MYO5A: variants seen among roughly 807,000 people sequenced by gnomAD.
MYO5A encodes the protein myosin VA, also known as unconventional myosin-Va.
In MYO5A, 98 loss-of-function variants were observed where a neutral mutation model predicts 249.7. That is an observed-to-expected ratio of 0.39 (90% CI 0.33 to 0.46). MYO5A has a LOEUF of 0.46. Among genes scored for constraint, MYO5A ranks in the 20% least tolerant of loss-of-function variants. The pLI, the probability that MYO5A is intolerant of heterozygous loss-of-function variation, is 0.98. For missense variants in MYO5A, 1,696 were observed against 2,308.8 expected (o/e 0.73, Z 5.44); for synonymous variants, 778 against 810.6 (o/e 0.96, Z 0.68).
intron 2 of MYO5A, among the ~76,000 whole-genome samples, chr15:52,432,798 C>G (rs1433142194): frequency 6.6e-6 from 1 of 152,162 alleles, no homozygotes; most frequent in African/African-American, 2.4e-5. Flanking sequence ...CAGTTTTGCT[C>G]TCCATGCTGC....
intron 37 of MYO5A, among the ~76,000 whole-genome samples, chr15:52,323,067 G>C (rs2038408962): frequency 6.6e-6 from 1 of 152,128 alleles, no homozygotes; most frequent in Non-Finnish European, 1.5e-5. Context: ...ATTAGCTCTT[G>C]AAATGCCCAC....
At chr15:52,481,260 A>T (rs2141492498) in intron 1 of MYO5A, among the ~76,000 whole-genome samples, 1 of 152,340 alleles carries the variant, frequency 6.6e-6, no homozygotes, top group African/African-American at 2.4e-5. Flanking sequence ...ATCTAAGCAA[A>T]TGGTCTCTAG....
chr15:52,478,279 G>C (rs1228004971), intron 1 of MYO5A, among the ~76,000 whole-genome samples: 1 of 152,154 alleles, frequency 6.6e-6, no homozygotes, highest in East Asian at 1.9e-4. Context: ...TATTAGGGTG[G>C]GAGTGACCCA....
Position 52,372,178 on chromosome 15 carries a change from C to T in MYO5A, c.2763G>A (p.Leu921=). 6 of 1,613,718 alleles carry T rather than the reference C, an allele frequency of 3.7e-6. No homozygotes were observed. Among genetic ancestry groups the T allele is most frequent in the Non-Finnish European group, 4.2e-6 (5 of 1,180,016 alleles). Residue 921 remains leucine, a synonymous_variant, in exon 21 of 42, where the codon CTG becomes CTA. Transcript: ENST00000399233. Reference sequence around the variant, plus strand: ...TGATCTTGTTCTCCATGCCGATGTGCAGCTTCTTATAGCGCTCCACTGAGC... The same window carrying T: ...TGATCTTGTTCTCCATGCCGATGTGTAGCTTCTTATAGCGCTCCACTGAGC... ...EARSVERYKK[L]HIGMENKIMQ...
intron 5 of MYO5A, among the ~76,000 whole-genome samples, chr15:52,412,795 G>A (rs1448924147): frequency 6.6e-6 from 1 of 152,136 alleles, no homozygotes; most frequent in Admixed American, 6.5e-5. Context: ...AATGATGCAT[G>A]AGTCACTCTT....
At chr15:52,371,577 G>A (rs1431626519) in intron 21 of MYO5A, among the ~76,000 whole-genome samples, 1 of 152,086 alleles carries the variant, frequency 6.6e-6, no homozygotes, top group Non-Finnish European at 1.5e-5. Flanking sequence ...TGAAGCATTA[G>A]TAGATCTCTG....
chr15:52,482,644 A>AT (rs112260382), intron 1 of MYO5A, among the ~76,000 whole-genome samples: 131 of 149,388 alleles, frequency 8.8e-4, no homozygotes, highest in Non-Finnish European at 1.3e-3. Context: ...CCTGTTCATA[A>AT]TTTTTTTTTT....
chr15:52,321,177 C>T (rs543301892), intron 38 of MYO5A, among the ~76,000 whole-genome samples, 182 bp downstream of exon 38: 7 of 152,310 alleles, frequency 4.6e-5, no homozygotes, highest in South Asian at 4.1e-4. Context: ...ACAGTGATTT[C>T]GATGTATCCC....
intron 1 of MYO5A, among the ~76,000 whole-genome samples, chr15:52,460,660 A>T (rs973903446): frequency 6.6e-6 from 1 of 151,928 alleles, no homozygotes; most frequent in Admixed American, 6.6e-5. Flanking sequence ...GGACCGTGCG[A>T]GGGCGAGGGC....
intron 1 of MYO5A, among the ~76,000 whole-genome samples, chr15:52,447,931 C>T (rs574855915): frequency 2.0e-4 from 31 of 152,334 alleles, no homozygotes; most frequent in African/African-American, 7.2e-4. Flanking sequence ...CCTGGAAGTC[C>T]ACACAGAAGC....
At chr15:52,449,449 C>T (rs763006013) in intron 1 of MYO5A, among the ~76,000 whole-genome samples, 4 of 152,108 alleles carry the variant, frequency 2.6e-5, no homozygotes, top group African/African-American at 4.8e-5. Flanking sequence ...ACTCAAATTG[C>T]CCAGCAAGCC....
intron 4 of MYO5A, among the ~76,000 whole-genome samples, chr15:52,421,428 T>C (rs1267100011): frequency 6.6e-6 from 1 of 152,240 alleles, no homozygotes; most frequent in African/African-American, 2.4e-5. Context: ...TATATTGGAA[T>C]AGAACTTAGT....
At chr15:52,356,395 T>C (rs1046471914) in intron 25 of MYO5A, among the ~76,000 whole-genome samples, 1 of 152,150 alleles carries the variant, frequency 6.6e-6, no homozygotes, top group African/African-American at 2.4e-5. Flanking sequence ...CTTAGTCTTT[T>C]TCTCTATGCA....
chr15:52,509,485 A>G (rs1424692923), intron 1 of MYO5A, among the ~76,000 whole-genome samples: 1 of 152,362 alleles, frequency 6.6e-6, no homozygotes, highest in East Asian at 1.9e-4. Flanking sequence ...CAGCTGACAG[A>G]CAGCATGATT....
intron 26 of MYO5A, 64 bp downstream of exon 26, chr15:52,353,807 G>A (rs1459950795): frequency 6.2e-6 from 10 of 1,609,610 alleles, no homozygotes; most frequent in Non-Finnish European, 8.5e-6. Context: ...CTCCACTAAG[G>A]AAGAGACTGC....
intron 1 of MYO5A, among the ~76,000 whole-genome samples, chr15:52,499,659 GA>G (rs2077113700): frequency 1.3e-5 from 2 of 152,162 alleles, no homozygotes; most frequent in South Asian, 4.1e-4. Flanking sequence ...GCATCTTTCA[GA>G]ATTTCCTTCC....
intron 1 of MYO5A, among the ~76,000 whole-genome samples, chr15:52,470,255 G>A (rs2076432210): frequency 6.6e-6 from 1 of 152,064 alleles, no homozygotes; most frequent in Non-Finnish European, 1.5e-5. Context: ...TGAATTAGAC[G>A]TGCTGTGTTT....
intron 5 of MYO5A, among the ~76,000 whole-genome samples, chr15:52,413,116 C>A (rs1391294995): frequency 2.9e-5 from 4 of 139,260 alleles, no homozygotes; most frequent in Non-Finnish European, 6.1e-5. Context: ...CATTGCACTG[C>A]AGCCTGGACA....
chr15:52,351,371 G>T lies in MYO5A; in HGVS notation c.3732C>A (p.Ala1244=), dbSNP rs377209701. The T allele has an allele frequency of 7.4e-6, 12 of 1,614,104 alleles. No individual in the cohort carries two copies. Among genetic ancestry groups the T allele is most frequent in the Non-Finnish European group, 6.8e-6 (8 of 1,180,032 alleles). The part of the protein sequence containing the change: ...APEVTAPGAP[A]YRVLMEQLTS... Reference sequence around the variant, plus strand: ...TCAGCTGCTCCATGAGGACACGGTAGGCAGGTGCACCTGGGGCGGTCACCT... The same window carrying T: ...TCAGCTGCTCCATGAGGACACGGTATGCAGGTGCACCTGGGGCGGTCACCT... Residue 1244 remains alanine, a synonymous_variant, in exon 28 of 42, where the codon GCC becomes GCA. Transcript: ENST00000399233.
Sources: gnomAD v4.1 joint callset for allele counts (sites outside exome capture counted in the v4.1 genomes callset) on GRCh38, gnomAD v4.1.1 for gene constraint, MANE v1.5 for transcripts, NCBI Gene and HGNC (gene_info 2026-07-23, HGNC 2026-07-21) for gene names.